HDAC2: variants seen among roughly 807,000 people sequenced by gnomAD.
The protein encoded by HDAC2 is histone deacetylase 2.
HDAC2 carries 5 observed loss-of-function variants against 68.5 expected under a neutral mutation model. That is an observed-to-expected ratio of 0.07 (90% CI 0.04 to 0.15). The LOEUF is 0.15. Among genes scored for constraint, HDAC2 ranks in the 10% least tolerant of loss-of-function variants. The pLI is 1.00. For missense variants in HDAC2, 291 were observed against 600.8 expected, an observed-to-expected ratio of 0.48 and a Z score of 5.39; for synonymous variants, 182 against 191.3, an observed-to-expected ratio of 0.95 and a Z score of 0.40.
intron 1 of HDAC2, among the ~76,000 whole-genome samples, chr6:113,962,791 GTC>G (rs1019994407): frequency 6.6e-6 from 1 of 151,130 alleles, no homozygotes; most frequent in African/African-American, 2.4e-5. Context: ...GTGAAACCCC[GTC>G]TCTACTAAAA....
rs1481991783 is a variant in HDAC2 at position 113,937,870 on chromosome 6, AGGTGC to A, written c.*3183_*3187del. 6.6e-6 allele frequency: 1 copy of A among 152,274 alleles called. No individual in the cohort carries two copies. Among genetic ancestry groups the A allele is most frequent in the Admixed American group, 6.5e-5 (1 of 15,278 alleles). 9.4% of individuals were successfully genotyped at this position (152,274 alleles called of 1,614,324 possible). A position where few individuals can be genotyped will look rare whatever the true frequency, so the allele number is the denominator to read the frequency against. ...CTCTAAAAAAAAGAGATAAACAGCC[AGGTGC>A]GGCAGCTCACACCTGTAATCCCAGC... is the stretch of plus-strand genomic sequence containing the variant. On this transcript the variant is annotated 3_prime_UTR_variant, in exon 14 of 14. Transcript: ENST00000519065.
chr6:113,959,847 A>G, intron 2 of HDAC2, 59 bp downstream of exon 2: 1 of 751,588 alleles, frequency 1.3e-6, no homozygotes, highest in South Asian at 1.6e-5. Context: ...AAAGTTTCAC[A>G]GTAGCTAAAA....
At chr6:113,952,099 G>A (rs1282695774) in intron 6 of HDAC2, among the ~76,000 whole-genome samples, 1 of 152,154 alleles carries the variant, frequency 6.6e-6, no homozygotes, top group African/African-American at 2.4e-5. Flanking sequence ...ACTTTAAGGT[G>A]AAGAATCACC....
At chr6:113,950,330 C>T (rs1405648425) in intron 6 of HDAC2, among the ~76,000 whole-genome samples, 1 of 151,672 alleles carries the variant, frequency 6.6e-6, no homozygotes. Context: ...GACATTACTA[C>T]AAAATAGTAT....
At chr6:113,953,147 T>C (rs1776462110) in intron 6 of HDAC2, 130 bp downstream of exon 6, 7 of 658,168 alleles carry the variant, frequency 1.1e-5, no homozygotes, top group African/African-American at 1.8e-5. Flanking sequence ...TGTTACTGCA[T>C]ACGTAGTAAT....
At chr6:113,948,950 C>T (rs1379760810) in intron 8 of HDAC2, 29 bp downstream of exon 8, 1 of 1,596,650 alleles carries the variant, frequency 6.3e-7, no homozygotes, top group Non-Finnish European at 8.5e-7. Context: ...CCATTTTTTT[C>T]TGGAAATACC....
intron 8 of HDAC2, chr6:113,947,317 T>C (rs1379070814): frequency 6.6e-6 from 1 of 151,872 alleles, no homozygotes; most frequent in Non-Finnish European, 1.5e-5. Flanking sequence ...TGGGAGACAA[T>C]ACAAGAGGAA....
In HDAC2 at chr6:113,955,175, A is replaced by G. The variant is rs145896831; in HGVS notation, c.497+838T>C. Among the ~76,000 whole-genome samples the G allele has an allele frequency of 2.3e-3, 346 of 152,310 alleles. 1 individual carries two copies. Among genetic ancestry groups the G allele is most frequent in the African/African-American group, 8.1e-3 (335 of 41,568 alleles). On this transcript the variant is annotated intron_variant, in intron 5 of 13. Transcript: ENST00000519065. ...AAAATTGCCAAACTACTTTTAAAAA[A>G]GGGTATTTAATGGGAGTTTTGACAT...
chr6:113,970,647 C>T, intron 1 of HDAC2: 6 of 1,349,988 alleles, frequency 4.4e-6, no homozygotes, highest in Non-Finnish European at 5.7e-6. Context: ...ACGGGCGGGC[C>T]CCCTGATTCC....
At chr6:113,941,934 T>A (rs1184444708) in intron 12 of HDAC2, among the ~76,000 whole-genome samples, 169 bp from the exon 13 acceptor site, 1 of 152,006 alleles carries the variant, frequency 6.6e-6, no homozygotes, top group Non-Finnish European at 1.5e-5. Context: ...ACGATGGCAG[T>A]ACAAGCTATG....
chr6:113,949,338 A>G, intron 6 of HDAC2, 78 bp from the exon 7 acceptor site: 3 of 830,472 alleles, frequency 3.6e-6, no homozygotes, highest in Admixed American at 2.1e-5. Flanking sequence ...CATTTTGAAA[A>G]GACTGAAAGA....
intron 1 of HDAC2, among the ~76,000 whole-genome samples, chr6:113,965,267 T>C (rs1465585460): frequency 2.0e-5 from 3 of 152,224 alleles, no homozygotes; most frequent in Non-Finnish European, 4.4e-5. Context: ...ATTTGTAATA[T>C]CTTATGTAGT....
Position 113,941,014 on chromosome 6 carries a change from A to AT in HDAC2, c.*43dup. ...AAAAAGAAAACATTTTCCTTTCAAT[A>AT]TTTTCTTTTTAATGATTTTCTGAAA... On this transcript the variant is annotated 3_prime_UTR_variant, in exon 14 of 14. Transcript: ENST00000519065. 1 of 1,496,322 alleles carries AT rather than the reference A, an allele frequency of 6.7e-7. No homozygotes were observed. Among genetic ancestry groups the AT allele is most frequent in the Non-Finnish European group, 9.3e-7 (1 of 1,078,984 alleles). The allele number at this position is 1,496,322 out of a possible 1,614,324, so 92.7% of individuals were successfully genotyped here.
chr6:113,954,795 C>T (rs1216869676), intron 5 of HDAC2, among the ~76,000 whole-genome samples: 1 of 152,154 alleles, frequency 6.6e-6, no homozygotes, highest in Non-Finnish European at 1.5e-5. Flanking sequence ...AAAACACTAG[C>T]TCAGTATAAT....
Position 113,953,353 on chromosome 6 carries a change from A to T in HDAC2, c.563T>A (p.Phe188Tyr). 3.1e-6 allele frequency: 5 copies of T among 1,587,748 alleles called. No individual in the cohort carries two copies. Among genetic ancestry groups the T allele is most frequent in the Non-Finnish European group, 4.3e-6 (5 of 1,156,240 alleles). Reference protein sequence around the residue: ...IHHGDGVEEAFYTTDRVMTVS... With the variant: ...IHHGDGVEEAYYTTDRVMTVS... ...CGTCATTACACGATCTGTTGTATAA[A>T]AAGCTTCTTCAACACCATCACCATG... The change falls in exon 6 of 14, where the codon TTT becomes TAT. Residue 188 changes from phenylalanine to tyrosine, a missense_variant. Phe to Tyr is a conservative substitution (Grantham distance 22). This residue lies in a region of HDAC2 where 154 missense variants were observed against 472.1 expected (regional missense o/e 0.33). Coordinates refer to ENST00000519065, the MANE Select transcript of HDAC2 (RefSeq NM_001527.4).
chr6:113,951,083 T>C (rs1776403101), intron 6 of HDAC2, among the ~76,000 whole-genome samples: 2 of 152,196 alleles, frequency 1.3e-5, no homozygotes, highest in South Asian at 4.1e-4. Flanking sequence ...GAAAAGTTGG[T>C]CAGCACTTCT....
chr6:113,958,703 G>T lies in HDAC2; in HGVS notation c.229C>A (p.Leu77Ile). The T allele has an allele frequency of 6.2e-7, 1 of 1,609,344 alleles. No homozygotes were observed. The change falls in exon 3 of 14, where the codon CTA (leucine) becomes ATA (isoleucine). Residue 77 changes from leucine to isoleucine, a missense_variant. Transcript: ENST00000519065. ...KYHSDEYIKF[L>I]RSIRPDNMSE... is the part of the protein sequence containing the mutation. ...ATGTTATCTGGTCTTATTGACCGTAGAAATTTGATATACTCATCACTGTGA... is the reference window on the plus strand; with the variant it reads ...ATGTTATCTGGTCTTATTGACCGTATAAATTTGATATACTCATCACTGTGA...
chr6:113,958,398 C>G (rs1776605851), intron 3 of HDAC2: 2 of 321,786 alleles, frequency 6.2e-6, no homozygotes, highest in Admixed American at 5.0e-5. Flanking sequence ...ATGTATTAAC[C>G]CAAAGTTATC....
At chr6:113,970,353 G>C in intron 1 of HDAC2, 2 of 586,268 alleles carry the variant, frequency 3.4e-6, no homozygotes, top group South Asian at 1.4e-4. Flanking sequence ...GAGGAGGAGG[G>C]AAGGGGACGG....
Sources: allele counts gnomAD v4.1 joint callset (sites outside exome capture counted in the v4.1 genomes callset), GRCh38; gene constraint gnomAD v4.1.1; regional missense constraint gnomAD v4.1.1; transcripts MANE v1.5; gene names NCBI Gene and HGNC (gene_info 2026-07-23, HGNC 2026-07-21).